RIF1: variants seen among roughly 807,000 people sequenced by gnomAD.
RIF1 encodes replication timing regulatory factor 1.
RIF1 carries 45 observed loss-of-function variants against 247.1 expected under a neutral mutation model. That is an observed-to-expected ratio of 0.18 (90% CI 0.14 to 0.23). The LOEUF is 0.23. Among genes scored for constraint, RIF1 ranks in the 10% least tolerant of loss-of-function variants. The pLI is 1.00. For synonymous variants in RIF1, 1,087 were observed against 978.8 expected, an observed-to-expected ratio of 1.11 and a Z score of -2.06; for missense variants, 2,967 against 2,862.5, an observed-to-expected ratio of 1.04 and a Z score of -0.83.
At chr2:151,531,958 A>ATTG in the RIF1 span, 10 of 1,028,594 alleles carry the variant, frequency 9.7e-6, no homozygotes, top group Non-Finnish European at 1.5e-5. Context: ...AAGGTATCTA[A>ATTG]TTGTCCTCTT....
intron 4 of RIF1, 81 bp from the exon 5 acceptor site, chr2:151,416,480 T>A: frequency 1.6e-6 from 2 of 1,229,652 alleles, no homozygotes; most frequent in Middle Eastern, 2.9e-4. Flanking sequence ...TTGATGAGTA[T>A]ATTGTTTTCT....
chr2:151,484,465 G>C (rs531524591), downstream of RIF1, among the ~76,000 whole-genome samples: 1 of 152,128 alleles, frequency 6.6e-6, no homozygotes, highest in Non-Finnish European at 1.5e-5. Flanking sequence ...GAGTGGTGGC[G>C]CACGCCTGTA....
the RIF1 span, chr2:151,534,307 C>T: frequency 1.9e-6 from 3 of 1,613,312 alleles, no homozygotes; most frequent in East Asian, 2.2e-5. Context: ...TCATAATCAG[C>T]TCTGTATTTT....
chr2:151,432,515 TG>T (rs989462430), intron 9 of RIF1, among the ~76,000 whole-genome samples: 1 of 152,198 alleles, frequency 6.6e-6, no homozygotes, highest in African/African-American at 2.4e-5. Flanking sequence ...ATTCAGTCAG[TG>T]GCCCCAGTAG....
chr2:151,505,413 A>C, intron 12 of RIF1: 1 of 1,324,312 alleles, frequency 7.6e-7, no homozygotes, highest in Non-Finnish European at 1.1e-6. Context: ...AAGATGAGAG[A>C]GCACCAGGGT....
At chr2:151,496,985 G>A in intron 10 of RIF1, 5 of 1,581,472 alleles carry the variant, frequency 3.2e-6, no homozygotes, top group Non-Finnish European at 3.4e-6. Flanking sequence ...TCCATCTCAG[G>A]AGTGACAGGT....
rs2049045994 is a variant in RIF1 at position 151,478,652 on chromosome 2, G to A, written c.*3581G>A. On this transcript the variant is annotated 3_prime_UTR_variant, in exon 36 of 36. Coordinates refer to ENST00000444746, the MANE Select transcript of RIF1 (RefSeq NM_018151.5). ...AATGGTGGGGATCGTGAATATATAA[G>A]TGAAGTTTTATTTTTTTAAGGTGTA... The A allele has an allele frequency of 6.6e-6, 1 of 152,254 alleles. No individual in the cohort carries two copies. The highest frequency in any genetic ancestry group is 6.5e-5 in the Admixed American group (1 of 15,292). The allele number at this position is 152,254 out of a possible 1,614,324, so 9.4% of individuals were successfully genotyped here.
chr2:151,437,311 T>C lies in RIF1; in HGVS notation c.1443T>C (p.Ala481=). The change falls in exon 13 of 36, where the codon GCT becomes GCC. Residue 481 remains alanine, a synonymous_variant. Transcript: ENST00000444746. ...FSKHANTLIT[A]VHDSFVAVGK... ...AACATGCAAATACACTTATCACTGC[T>C]GTTCATGATAGCTTTGTTGCAGTTG... 6.2e-7 allele frequency: 1 copy of C among 1,613,984 alleles called. No individual in the cohort carries two copies. Among genetic ancestry groups the C allele is most frequent in the Non-Finnish European group, 8.5e-7 (1 of 1,179,848 alleles).
chr2:151,448,225 G>T (rs1693657331), intron 20 of RIF1, among the ~76,000 whole-genome samples: 1 of 151,898 alleles, frequency 6.6e-6, no homozygotes, highest in Non-Finnish European at 1.5e-5. Flanking sequence ...TGTATTTTTA[G>T]TAGAGAGGGG....
chr2:151,514,508 A>C, the RIF1 span: 2 of 1,163,314 alleles, frequency 1.7e-6, no homozygotes, highest in Admixed American at 1.7e-5. Context: ...AATAAAAAAC[A>C]ATTCCAATTT....
rs1165450117 is a variant in RIF1, at chr2:151,439,972, CAAAAA to C, written c.1547-36_1547-32del. On this transcript the variant is annotated intron_variant, in intron 14 of 35. Coordinates refer to ENST00000444746, the MANE Select transcript of RIF1 (RefSeq NM_018151.5). ...TGGGTGACAGAGCAAGACCCTGTCT[CAAAAA>C]AAAAAAAAAAAAAAAAAAGAACTAT... 1,164 of 275,152 alleles carry C rather than the reference CAAAAA, an allele frequency of 4.2e-3. 1 individual carries two copies. Among genetic ancestry groups the C allele is most frequent in the Middle Eastern group, 9.3e-3 (8 of 864 alleles). The allele number at this position is 275,152 out of a possible 1,614,324, so 17.0% of individuals were successfully genotyped here. A position where few individuals can be genotyped will look rare whatever the true frequency, so the allele number is the denominator to read the frequency against.
chr2:151,466,123 A>G lies in RIF1; in HGVS notation c.6600+3A>G. On this transcript the variant is annotated splice_donor_region_variant and intron_variant, in intron 30 of 35. Coordinates refer to ENST00000444746, the MANE Select transcript of RIF1 (RefSeq NM_018151.5). Reference sequence around the variant, plus strand: ...AAATCTCATCACCTGTTAATAAGGTAAGGGGAATGAGGCTAAATATTAAGG... The same window carrying G: ...AAATCTCATCACCTGTTAATAAGGTGAGGGGAATGAGGCTAAATATTAAGG... 6.5e-7 allele frequency: 1 copy of G among 1,534,552 alleles called. No individual in the cohort carries two copies. The highest frequency in any genetic ancestry group is 1.2e-5 in the South Asian group (1 of 84,042).
At chr2:151,429,727 A>G (rs186390297) in intron 9 of RIF1, among the ~76,000 whole-genome samples, 3 of 152,268 alleles carry the variant, frequency 2.0e-5, no homozygotes, top group Admixed American at 2.0e-4. Context: ...GTGGTTTAAT[A>G]TTGATATATG....
chr2:151,463,615 T>C lies in RIF1; in HGVS notation c.4095T>C (p.Ala1365=), dbSNP rs1297681915. The change falls in exon 30 of 36, where the codon GCT becomes GCC. Residue 1365 remains alanine, a synonymous_variant. Coordinates refer to ENST00000444746, the MANE Select transcript of RIF1 (RefSeq NM_018151.5). ...TKLKAATVEN[A]VLLETNTVEE... The stretch of plus-strand genomic sequence containing the variant: ...TTAAAGCAGCAACAGTGGAAAATGC[T>C]GTATTATTGGAAACTAATACTGTAG... The C allele has an allele frequency of 6.2e-7, 1 of 1,613,552 alleles. No individual in the cohort carries two copies. Among genetic ancestry groups the C allele is most frequent in the Non-Finnish European group, 8.5e-7 (1 of 1,179,714 alleles).
At chr2:151,516,483 T>C in the RIF1 span, 1 of 1,613,076 alleles carries the variant, frequency 6.2e-7, no homozygotes, top group Non-Finnish European at 8.5e-7. Flanking sequence ...GCTGAGACTC[T>C]TTGGCAGTGA....
chr2:151,513,252 G>C, the RIF1 span, among the ~76,000 whole-genome samples: 21 of 152,296 alleles, frequency 1.4e-4, no homozygotes, highest in African/African-American at 4.6e-4. Context: ...TCTAAGCAAG[G>C]AATTCCTGGC....
chr2:151,425,771 A>G (rs907091464), intron 8 of RIF1, among the ~76,000 whole-genome samples: 3 of 147,842 alleles, frequency 2.0e-5, no homozygotes, highest in African/African-American at 7.5e-5. Flanking sequence ...GGTTCAAGCA[A>G]TTCTCCTGCC....
At chr2:151,530,947 G>C in the RIF1 span, 1 of 1,279,684 alleles carries the variant, frequency 7.8e-7, no homozygotes, top group Non-Finnish European at 1.1e-6. Context: ...CATCTCATTA[G>C]AAGGAGGCCA....
chr2:151,506,299 A>G, exon 13 of RIF1: 1 of 1,450,710 alleles, frequency 6.9e-7, no homozygotes, highest in Non-Finnish European at 9.6e-7. Context: ...ACAGAAGAAA[A>G]GAAAACCCAG....
Sources: allele counts gnomAD v4.1 joint callset (sites outside exome capture counted in the v4.1 genomes callset), GRCh38; gene constraint gnomAD v4.1.1; transcripts MANE v1.5; gene names NCBI Gene and HGNC (gene_info 2026-07-23, HGNC 2026-07-21).